The following CLDN10 variants were observed in gnomAD, a reference collection of about 807,000 sequenced individuals.
CLDN10 encodes the protein claudin 10.
In CLDN10, 15 loss-of-function variants were observed where a neutral mutation model predicts 22.9. The ratio of observed to expected loss-of-function variants is 0.65; its 90% CI spans 0.44 to 1.01. CLDN10 has a LOEUF of 1.01. Ranked by LOEUF, CLDN10 falls within the 50% of genes least tolerant of loss-of-function variation. The probability of loss-of-function intolerance (pLI) is 0.00; values close to 1 mark genes in which losing one functional copy is unlikely to be tolerated. For synonymous variants in CLDN10, 114 were observed against 111.4 expected (o/e 1.02, Z -0.15); for missense variants, 247 against 287.8 (o/e 0.86, Z 1.03).
chr13:95,481,340 C>T (rs1240502890), intron 1 of CLDN10, among the ~76,000 whole-genome samples: 7 of 152,222 alleles, frequency 4.6e-5, no homozygotes, highest in Non-Finnish European at 8.8e-5. Flanking sequence ...ACCCTCTAAG[C>T]TGACATTTCT....
At chr13:95,455,459 T>TTAGACAAAATGGCAAAAA (rs1224491413) in intron 1 of CLDN10, among the ~76,000 whole-genome samples, 1 of 152,172 alleles carries the variant, frequency 6.6e-6, no homozygotes, top group Non-Finnish European at 1.5e-5. Flanking sequence ...AATGGCAAAT[T>TTAGACAAAATGGCAAAAA]TTCTATAATA....
At chr13:95,457,050 C>T (rs1214029822) in intron 1 of CLDN10, among the ~76,000 whole-genome samples, 1 of 152,106 alleles carries the variant, frequency 6.6e-6, no homozygotes, top group Non-Finnish European at 1.5e-5. Context: ...CACTTCCTCC[C>T]ACAGCCTTCC....
intron 1 of CLDN10, among the ~76,000 whole-genome samples, chr13:95,444,349 G>A (rs949626321): frequency 1.3e-5 from 2 of 152,184 alleles, no homozygotes; most frequent in Non-Finnish European, 2.9e-5. Context: ...CTACAATTAA[G>A]CTTTTGCCAG....
chr13:95,550,894 C>G (rs899504757), upstream of CLDN10, among the ~76,000 whole-genome samples: 7 of 134,162 alleles, frequency 5.2e-5, no homozygotes, highest in African/African-American at 1.7e-4. Context: ...AGGATAGTCT[C>G]GATCTCCTGA....
At chr13:95,520,944 G>A (rs1218207468) in intron 1 of CLDN10, among the ~76,000 whole-genome samples, 6 of 150,620 alleles carry the variant, frequency 4.0e-5, no homozygotes, top group South Asian at 2.1e-4. Flanking sequence ...CAGCCTGGGC[G>A]ACAGAGCGAG....
At chr13:95,512,987 C>T (rs2043120578) in intron 1 of CLDN10, among the ~76,000 whole-genome samples, 2 of 152,250 alleles carry the variant, frequency 1.3e-5, no homozygotes, top group South Asian at 4.1e-4. Flanking sequence ...GTGATCCTCC[C>T]ACCTCAGCCT....
At chr13:95,468,595 A>G (rs9584309) in intron 1 of CLDN10, among the ~76,000 whole-genome samples, 49,602 of 151,940 alleles carry the variant, frequency 0.33, 8,746 homozygotes, top group Non-Finnish European at 0.39. Flanking sequence ...GTATGGTGGC[A>G]TACACTTGTA....
At position 95,560,291 on chromosome 13, in the gene CLDN10, C is replaced by G; in HGVS notation, c.380C>G (p.Ser127Ter). 1 of 1,614,058 alleles carries G rather than the reference C, an allele frequency of 6.2e-7. No homozygotes were observed. The highest frequency in any genetic ancestry group is 1.3e-5 in the African/African-American group (1 of 75,050). Reference protein sequence around the residue: ...ACLAGIVFILSGLCSMTGCSL... With the variant: ...ACLAGIVFIL ...TTGGCTGGGATTGTATTCATACTGTCAGGTAAATAGTAACTTTCTTCCAAA... is the reference window on the plus strand; with the variant it reads ...TTGGCTGGGATTGTATTCATACTGTGAGGTAAATAGTAACTTTCTTCCAAA... Residue 127 changes from serine (S) to a stop codon, truncating the protein, a stop_gained and splice_region_variant, in exon 2 of 5, where the codon TCA (serine) becomes TGA (stop). Coordinates refer to ENST00000299339, the MANE Select transcript of CLDN10 (RefSeq NM_006984.5). LOFTEE classifies it high-confidence loss of function.
At chr13:95,459,342 C>G (rs2042512773) in intron 1 of CLDN10, among the ~76,000 whole-genome samples, 1 of 152,214 alleles carries the variant, frequency 6.6e-6, no homozygotes, top group South Asian at 2.1e-4. Context: ...CCCCACCTTT[C>G]CCTTCCACAC....
chr13:95,434,885 G>T (rs952193989), intron 1 of CLDN10, among the ~76,000 whole-genome samples: 21 of 151,786 alleles, frequency 1.4e-4, no homozygotes, highest in African/African-American at 5.1e-4. Context: ...TTTAATGTTT[G>T]TCACAGCCTA....
At position 95,511,347 on chromosome 13, in the gene CLDN10, A is replaced by C. The variant is rs537494974; in HGVS notation, c.215-48785A>C. ...AGAACAAAAAAGGAAAGAGAAAAAA[A>C]CCCTAAATCCTTGTTCTGTTAGTAA... On this transcript the variant is annotated intron_variant, in intron 1 of 4. Transcript: ENST00000376873. 9.1e-4 allele frequency among the ~76,000 whole-genome samples: 139 copies of C among 152,122 alleles called. 1 individual carries two copies. Among genetic ancestry groups the C allele is most frequent in the African/African-American group, 3.1e-3 (129 of 41,538 alleles).
intron 1 of CLDN10, among the ~76,000 whole-genome samples, chr13:95,447,809 T>C (rs1380201944): frequency 6.6e-6 from 1 of 151,944 alleles, no homozygotes; most frequent in Admixed American, 6.6e-5. Context: ...ATGCATGTTA[T>C]CCTAGTGGCT....
At chr13:95,454,366 G>A (rs1295342439) in intron 1 of CLDN10, among the ~76,000 whole-genome samples, 1 of 152,136 alleles carries the variant, frequency 6.6e-6, no homozygotes, top group African/African-American at 2.4e-5. Context: ...ACTTGAACCT[G>A]GGAGGTGGAG....
chr13:95,434,189 G>A (rs902377579), intron 1 of CLDN10: 4 of 695,788 alleles, frequency 5.7e-6, no homozygotes, highest in Non-Finnish European at 1.0e-5. Context: ...TAGGAAGGAT[G>A]GGGTGTATGA....
At chr13:95,436,892 C>T (rs1566644336) in intron 1 of CLDN10, among the ~76,000 whole-genome samples, 1 of 152,102 alleles carries the variant, frequency 6.6e-6, no homozygotes, top group Non-Finnish European at 1.5e-5. Context: ...GAGAAAAGAA[C>T]TCAGAAGTCA....
chr13:95,471,358 A>ATGTGTGTG lies in CLDN10; in HGVS notation c.214+37319_214+37326dup, dbSNP rs150912802. On this transcript the variant is annotated intron_variant, in intron 1 of 4. Transcript: ENST00000376873. Reference sequence around the variant, plus strand: ...CTTCAGCTCTGACTTATGGATATATATGTGTGTGTGTGTGTATATATATAA... The same window carrying ATGTGTGTG: ...CTTCAGCTCTGACTTATGGATATATATGTGTGTGTGTGTGTGTGTGTGTATATATATAA... Among the ~76,000 whole-genome samples, 267 of 144,174 alleles carry ATGTGTGTG rather than the reference A, an allele frequency of 1.9e-3. 2 individuals carry two copies. Among genetic ancestry groups the ATGTGTGTG allele is most frequent in the African/African-American group, 6.7e-3 (261 of 39,178 alleles). The allele number at this position is 144,174 out of a possible 152,430, so 94.6% of individuals were successfully genotyped here.
At chr13:95,572,663 C>T (rs1454716250) in intron 3 of CLDN10, among the ~76,000 whole-genome samples, 1 of 152,182 alleles carries the variant, frequency 6.6e-6, no homozygotes, top group African/African-American at 2.4e-5. Context: ...GTTTACTTTG[C>T]AAAAACATGC....
At chr13:95,502,445 C>T (rs1419693915) in intron 1 of CLDN10, among the ~76,000 whole-genome samples, 1 of 152,162 alleles carries the variant, frequency 6.6e-6, no homozygotes, top group African/African-American at 2.4e-5. Flanking sequence ...TTCCCCACTT[C>T]AACTGTTGCC....
intron 1 of CLDN10, among the ~76,000 whole-genome samples, chr13:95,466,573 A>G (rs1267004261): frequency 1.3e-5 from 2 of 152,174 alleles, no homozygotes; most frequent in Non-Finnish European, 2.9e-5. Flanking sequence ...TCCTCATGAG[A>G]TAAAGGAGAA....
Sources: allele counts gnomAD v4.1 joint callset (sites outside exome capture counted in the v4.1 genomes callset), GRCh38; gene constraint gnomAD v4.1.1; transcripts MANE v1.5; gene names NCBI Gene and HGNC (gene_info 2026-07-23, HGNC 2026-07-21).